The following PTPRT variants were observed in gnomAD, a reference collection of about 807,000 sequenced individuals.
PTPRT encodes the protein protein tyrosine phosphatase receptor type T, also known as receptor-type tyrosine-protein phosphatase T.
A neutral mutation model predicts 176.8 loss-of-function variants in PTPRT; 56 were observed. That is an observed-to-expected ratio of 0.32 (90% confidence interval 0.26 to 0.40). PTPRT has a LOEUF of 0.40. Ranked by LOEUF, PTPRT falls within the 10% of genes least tolerant of loss-of-function variation. The pLI is 1.00. For synonymous variants in PTPRT, 783 were observed against 739.0 expected, an observed-to-expected ratio of 1.06 and a Z score of -0.96; for missense variants, 1,540 against 1,908.2, an observed-to-expected ratio of 0.81 and a Z score of 3.60.
At chr20:43,085,594 G>A (rs1480039343) in intron 1 of PTPRT, among the ~76,000 whole-genome samples, 2 of 152,136 alleles carry the variant, frequency 1.3e-5, no homozygotes, top group African/African-American at 4.8e-5. Flanking sequence ...GGTGAATGAG[G>A]AGCAGTCACA....
chr20:42,352,238 C>G lies in PTPRT; in HGVS notation c.1608G>C (p.Ser536=), dbSNP rs377232017. The stretch of plus-strand genomic sequence containing the variant: ...GCTTGAACACTTTCCCCCTCTGGCT[C>G]GAGAGGTCAGCACTTGGGTCCAGCG... ...VGSLDPSADL[S]SQRGKVFKLR... The change falls in exon 10 of 31, where the codon TCG becomes TCC. Residue 536 remains serine (S), a synonymous_variant. Transcript: ENST00000373187. 1 of 1,614,074 alleles carries G rather than the reference C, an allele frequency of 6.2e-7. No individual in the cohort carries two copies. Among genetic ancestry groups the G allele is most frequent in the Non-Finnish European group, 8.5e-7 (1 of 1,180,022 alleles).
At chr20:42,151,959 G>A (rs1989153355) in intron 17 of PTPRT, among the ~76,000 whole-genome samples, 2 of 152,186 alleles carry the variant, frequency 1.3e-5, no homozygotes, top group Admixed American at 1.3e-4. Flanking sequence ...GGGAGCCTAA[G>A]GTCTGGTCTC....
intron 6 of PTPRT, among the ~76,000 whole-genome samples, chr20:42,702,181 G>C (rs769621973): frequency 9.2e-5 from 14 of 152,120 alleles, no homozygotes; most frequent in Non-Finnish European, 2.1e-4. Flanking sequence ...TGGGAGTGTT[G>C]CTGAACTTTG....
chr20:42,041,398 C>G, the PTPRT span, among the ~76,000 whole-genome samples: 1 of 152,080 alleles, frequency 6.6e-6, no homozygotes, highest in Non-Finnish European at 1.5e-5. Flanking sequence ...TGGGGGAGGT[C>G]GCAGGGAATA....
At chr20:43,104,345 C>T (rs763085823) in intron 1 of PTPRT, among the ~76,000 whole-genome samples, 1 of 152,018 alleles carries the variant, frequency 6.6e-6, no homozygotes, top group Non-Finnish European at 1.5e-5. Flanking sequence ...CCACCAGCTA[C>T]AACATCACCC....
intron 11 of PTPRT, among the ~76,000 whole-genome samples, chr20:42,337,906 C>T (rs1163342814): frequency 1.3e-5 from 2 of 152,122 alleles, no homozygotes; most frequent in South Asian, 4.1e-4. Context: ...TAGAGTAGAA[C>T]CTTGGTGTGA....
intron 9 of PTPRT, among the ~76,000 whole-genome samples, chr20:42,374,365 G>GCTAGCTGTGT (rs2058625886): frequency 1.3e-5 from 2 of 152,222 alleles, no homozygotes; most frequent in Non-Finnish European, 1.5e-5. Flanking sequence ...AATAGCTGTG[G>GCTAGCTGTGT]CTAGTTGTTT....
chr20:42,836,418 T>C (rs898990874), intron 2 of PTPRT, among the ~76,000 whole-genome samples: 3 of 152,200 alleles, frequency 2.0e-5, no homozygotes, highest in Non-Finnish European at 4.4e-5. Context: ...CCCTTGGACA[T>C]TTCTATTTCC....
intron 17 of PTPRT, among the ~76,000 whole-genome samples, chr20:42,145,627 C>A (rs2146434218): frequency 6.6e-6 from 1 of 152,302 alleles, no homozygotes; most frequent in Middle Eastern, 3.4e-3. Context: ...CTCATCTATG[C>A]AGTGGCTGAG....
At chr20:42,505,990 C>T (rs1043355783) in intron 7 of PTPRT, among the ~76,000 whole-genome samples, 6 of 152,066 alleles carry the variant, frequency 3.9e-5, no homozygotes, top group African/African-American at 9.7e-5. Context: ...TTTCCTCCCG[C>T]GTTGTATGAC....
intron 4 of PTPRT, among the ~76,000 whole-genome samples, chr20:42,773,882 C>T (rs1038760837): frequency 6.6e-6 from 1 of 152,152 alleles, no homozygotes; most frequent in Non-Finnish European, 1.5e-5. Context: ...TCTTCCCTTA[C>T]CCTTCGAGAA....
At chr20:42,099,949 C>A (rs73129197) in intron 26 of PTPRT, among the ~76,000 whole-genome samples, 5 of 152,314 alleles carry the variant, frequency 3.3e-5, no homozygotes, top group Non-Finnish European at 7.4e-5. Context: ...CAACTTTGAG[C>A]CATTTCCAGA....
chr20:42,877,357 T>C (rs2078950347), intron 2 of PTPRT, among the ~76,000 whole-genome samples: 1 of 152,244 alleles, frequency 6.6e-6, no homozygotes, highest in Non-Finnish European at 1.5e-5. Flanking sequence ...ACACCCAGGC[T>C]GCCAGGAAAT....
At chr20:42,304,563 G>A (rs2057516585) in intron 12 of PTPRT, among the ~76,000 whole-genome samples, 1 of 152,168 alleles carries the variant, frequency 6.6e-6, no homozygotes, top group South Asian at 2.1e-4. Flanking sequence ...TAGCTGGTCA[G>A]TGACAATCTA....
intron 2 of PTPRT, among the ~76,000 whole-genome samples, chr20:42,836,576 C>T (rs1360968985): frequency 1.3e-5 from 2 of 152,122 alleles, no homozygotes; most frequent in Admixed American, 1.3e-4. Context: ...GGACGCAGGC[C>T]AACACCTGGT....
intron 11 of PTPRT, among the ~76,000 whole-genome samples, chr20:42,338,069 TTTTTAGGTTCCAAGAAATTATGCA>T (rs765894511): frequency 6.6e-4 from 100 of 152,320 alleles, no homozygotes; most frequent in Non-Finnish European, 1.2e-3. Flanking sequence ...AGAGGCCACC[TTTTTAGGTTCCAAGAAATTATGCA>T]TTCGTTATGG....
intron 12 of PTPRT, among the ~76,000 whole-genome samples, chr20:42,309,340 T>G (rs1169303569): frequency 1.3e-5 from 2 of 152,010 alleles, no homozygotes; most frequent in Non-Finnish European, 2.9e-5. Flanking sequence ...AAACAAACAA[T>G]GCGAAACTGC....
intron 9 of PTPRT, among the ~76,000 whole-genome samples, chr20:42,433,397 G>A (rs1387814899): frequency 6.6e-6 from 1 of 152,202 alleles, no homozygotes; most frequent in Admixed American, 6.5e-5. Context: ...TCAACCTTCT[G>A]AGAAGAGGCC....
intron 9 of PTPRT, among the ~76,000 whole-genome samples, chr20:42,423,299 A>C (rs1568865721): frequency 6.6e-6 from 1 of 152,042 alleles, no homozygotes; most frequent in African/African-American, 2.4e-5. Context: ...AACTTCACAG[A>C]GTCCTTGTTA....
Sources: gnomAD v4.1 joint callset for allele counts (sites outside exome capture counted in the v4.1 genomes callset) on GRCh38, gnomAD v4.1.1 for gene constraint, MANE v1.5 for transcripts, NCBI Gene and HGNC (gene_info 2026-07-23, HGNC 2026-07-21) for gene names.